UNC13C: variants seen among roughly 807,000 people sequenced by gnomAD.
UNC13C encodes protein unc-13 homolog C.
In UNC13C, 174 loss-of-function variants were observed where a neutral mutation model predicts 245.4. The ratio of observed to expected loss-of-function variants is 0.71; its 90% CI spans 0.63 to 0.80. The LOEUF (loss-of-function observed/expected upper bound fraction) is 0.80, where lower values mean the gene tolerates loss of function less well. Among genes scored for constraint, UNC13C ranks in the 30% least tolerant of loss-of-function variants. The pLI is 0.00. For missense variants in UNC13C, 2,829 were observed against 2,602.9 expected, an observed-to-expected ratio of 1.09 and a Z score of -1.89; for synonymous variants, 992 against 895.1, an observed-to-expected ratio of 1.11 and a Z score of -1.93.
chr15:53,906,149 C>A, the UNC13C span, among the ~76,000 whole-genome samples: 1 of 152,038 alleles, frequency 6.6e-6, no homozygotes, highest in Non-Finnish European at 1.5e-5. Context: ...GCCTGGGCAA[C>A]ATGACAAAAC....
At chr15:54,491,762 G>A (rs34706382) in intron 19 of UNC13C, among the ~76,000 whole-genome samples, 1 of 152,046 alleles carries the variant, frequency 6.6e-6, no homozygotes, top group Non-Finnish European at 1.5e-5. Context: ...CAGTACTTTG[G>A]GAGGCCGAGG....
chr15:54,570,905 A>C (rs1430421774), intron 30 of UNC13C, among the ~76,000 whole-genome samples: 1 of 152,194 alleles, frequency 6.6e-6, no homozygotes, highest in Non-Finnish European at 1.5e-5. Flanking sequence ...GTGACAGAGA[A>C]ATATAGAAAA....
chr15:54,284,964 A>G (rs1020283758), intron 10 of UNC13C, among the ~76,000 whole-genome samples: 6 of 152,128 alleles, frequency 3.9e-5, no homozygotes, highest in African/African-American at 1.4e-4. Flanking sequence ...TGAAAGATTT[A>G]TAATCTAATT....
At chr15:54,195,600 G>A (rs983524925) in intron 4 of UNC13C, among the ~76,000 whole-genome samples, 11 of 151,984 alleles carry the variant, frequency 7.2e-5, no homozygotes, top group Admixed American at 6.6e-4. Context: ...GGTAAGCCAC[G>A]CTTTATATAA....
At chr15:54,505,832 C>G (rs565770) in intron 22 of UNC13C, among the ~76,000 whole-genome samples, 61,490 of 149,932 alleles carry the variant, frequency 0.41, 12,888 homozygotes, top group African/African-American at 0.5. Flanking sequence ...TTACCTGCAG[C>G]CCATCCTGAC....
intron 2 of UNC13C, chr15:54,048,544 A>C (rs1897138592): frequency 1.9e-6 from 1 of 515,110 alleles, no homozygotes; most frequent in Admixed American, 2.5e-5. Flanking sequence ...GACTCTTTAA[A>C]TGGAAGACTT....
At chr15:54,148,529 C>T (rs1353913169) in intron 4 of UNC13C, among the ~76,000 whole-genome samples, 1 of 152,168 alleles carries the variant, frequency 6.6e-6, no homozygotes, top group Non-Finnish European at 1.5e-5. Flanking sequence ...ACACTCTCTT[C>T]CTCTTTCATA....
rs12050637 is a variant in UNC13C at position 54,584,617 on chromosome 15, T to G, written c.6106+16670T>G. Among the ~76,000 whole-genome samples, 87 of 152,378 alleles carry G rather than the reference T, an allele frequency of 5.7e-4. No individual in the cohort carries two copies. In the East Asian group the frequency reaches 0.017, roughly 29 times the overall value. ...GGAAATGGAAGAAGTCAGTTTTTCTTTCCTTTAGGAGTAAGCCAATTTGGA... is the reference window on the plus strand; with the variant it reads ...GGAAATGGAAGAAGTCAGTTTTTCTGTCCTTTAGGAGTAAGCCAATTTGGA... On this transcript the variant is annotated intron_variant, in intron 30 of 32. Coordinates refer to ENST00000260323, the MANE Select transcript of UNC13C (RefSeq NM_001080534.3).
At position 54,235,102 on chromosome 15, in the gene UNC13C, A is replaced by C. The variant is rs750980503; in HGVS notation, c.3144A>C (p.Arg1048=). ...GAAAAAAAACTTTGCCTATTGTCCG[A>C]GATGTGGTAAGTTACAACTGTTTAA... ...LRRKKTLPIV[R]DVAMTLAARK... is the part of the protein sequence containing the mutation. Residue 1048 remains arginine (R), a synonymous_variant, in exon 5 of 33, where the codon CGA becomes CGC. Coordinates refer to ENST00000260323, the MANE Select transcript of UNC13C (RefSeq NM_001080534.3). The C allele has an allele frequency of 6.2e-7, 1 of 1,613,660 alleles. No individual in the cohort carries two copies. Among genetic ancestry groups the C allele is most frequent in the Non-Finnish European group, 8.5e-7 (1 of 1,179,748 alleles).
intron 7 of UNC13C, among the ~76,000 whole-genome samples, chr15:54,245,885 G>C (rs1195675634): frequency 6.6e-6 from 1 of 152,038 alleles, no homozygotes; most frequent in Non-Finnish European, 1.5e-5. Flanking sequence ...TCACAAGGAG[G>C]ATTATTTCCT....
At position 54,235,072 on chromosome 15, in the gene UNC13C, T is replaced by C; in HGVS notation, c.3114T>C (p.Leu1038=). 1 of 1,613,984 alleles carries C rather than the reference T, an allele frequency of 6.2e-7. No individual in the cohort carries two copies. The highest frequency in any genetic ancestry group is 1.3e-5 in the African/African-American group (1 of 75,052). The change falls in exon 5 of 33, where the codon CTT becomes CTC. Residue 1038 remains leucine (L), a synonymous_variant. Transcript: ENST00000260323. The part of the protein sequence containing the change: ...GLYGIDSMPD[L]RRKKTLPIVR... ...ATGGTATTGACAGCATGCCGGATCT[T>C]CGCAGAAAAAAAACTTTGCCTATTG...
the UNC13C span, among the ~76,000 whole-genome samples, chr15:53,902,976 C>CAT: frequency 6.6e-6 from 1 of 152,148 alleles, no homozygotes; most frequent in Non-Finnish European, 1.5e-5. Flanking sequence ...AATGCTGGGA[C>CAT]ATAGTTTCTG....
intron 2 of UNC13C, among the ~76,000 whole-genome samples, chr15:54,084,622 G>C (rs1899135870): frequency 6.6e-6 from 1 of 152,022 alleles, no homozygotes; most frequent in Admixed American, 6.6e-5. Context: ...TAGTAAATGA[G>C]AGCTATTAAT....
rs367958937 is a variant in UNC13C at position 54,024,224 on chromosome 15, A to G, written c.2983+8338A>G. The stretch of plus-strand genomic sequence containing the variant: ...TCAGACCACAGATGATGGCTTCTAA[A>G]GCATTTAGGACTCTAACTCTGGATA... On this transcript the variant is annotated intron_variant, in intron 2 of 32. Transcript: ENST00000260323. Among the ~76,000 whole-genome samples the G allele has an allele frequency of 5.3e-5, 8 of 152,190 alleles. No individual in the cohort carries two copies. The South Asian group carries it at 1.7e-3, about 31-fold the overall frequency.
At chr15:54,220,931 T>C (rs2035206513) in intron 4 of UNC13C, among the ~76,000 whole-genome samples, 1 of 152,008 alleles carries the variant, frequency 6.6e-6, no homozygotes. Flanking sequence ...AAGACAATAA[T>C]GGTGTATTAT....
At chr15:53,847,435 C>T in the UNC13C span, among the ~76,000 whole-genome samples, 1 of 151,656 alleles carries the variant, frequency 6.6e-6, no homozygotes, top group Non-Finnish European at 1.5e-5. Context: ...CCCCTCACTG[C>T]AACCTCTGCC....
rs79746940 is a variant in UNC13C at position 54,626,319 on chromosome 15, A to G, written c.6360-509A>G. ...TGATTTACTCTGGATGGAGATTTGT[A>G]TCCAATTTAGCATATTGTGAATAGT... On this transcript the variant is annotated intron_variant, in intron 32 of 32. Transcript: ENST00000260323. Among the ~76,000 whole-genome samples the G allele has an allele frequency of 5.6e-3, 853 of 152,262 alleles. 19 individuals carry two copies. Among genetic ancestry groups the G allele is most frequent in the South Asian group, 0.043 (206 of 4,826 alleles).
intron 22 of UNC13C, among the ~76,000 whole-genome samples, chr15:54,501,429 G>GT (rs1313109062): frequency 2.0e-5 from 3 of 152,098 alleles, no homozygotes; most frequent in African/African-American, 7.2e-5. Context: ...AATAGTTCAA[G>GT]TTTTTTATGA....
intron 7 of UNC13C, among the ~76,000 whole-genome samples, chr15:54,240,715 T>G (rs2035828960): frequency 6.6e-6 from 1 of 152,170 alleles, no homozygotes; most frequent in Non-Finnish European, 1.5e-5. Context: ...AATAAGCTGT[T>G]AAGGATTATG....
Sources: gnomAD v4.1 joint callset for allele counts (sites outside exome capture counted in the v4.1 genomes callset) on GRCh38, gnomAD v4.1.1 for gene constraint, MANE v1.5 for transcripts, NCBI Gene and HGNC (gene_info 2026-07-23, HGNC 2026-07-21) for gene names.